Variants in TACR1 observed in about 807,000 individuals in gnomAD.
The protein encoded by TACR1 is tachykinin receptor 1.
A neutral mutation model predicts 35.8 loss-of-function variants in TACR1; 25 were observed. The ratio of observed to expected loss-of-function variants is 0.70; its 90% confidence interval spans 0.51 to 0.98. TACR1 has a LOEUF of 0.98. TACR1 is among the 50% of genes least tolerant of loss of function. The probability of loss-of-function intolerance (pLI) is 0.00; values close to 1 mark genes in which losing one functional copy is unlikely to be tolerated. For missense variants in TACR1, 478 were observed against 522.9 expected (o/e 0.91, Z 0.84); for synonymous variants, 195 against 206.7 (o/e 0.94, Z 0.48).
At chr2:75,136,563 C>A (rs1373620552) in intron 1 of TACR1, among the ~76,000 whole-genome samples, 3 of 152,118 alleles carry the variant, frequency 2.0e-5, no homozygotes, top group Admixed American at 1.3e-4. Flanking sequence ...AACTGGGCTG[C>A]CTTCCCCCTC....
chr2:75,195,234 AT>A (rs1218049754), intron 1 of TACR1, among the ~76,000 whole-genome samples: 1 of 152,216 alleles, frequency 6.6e-6, no homozygotes, highest in Non-Finnish European at 1.5e-5. Flanking sequence ...ACCTGATCTT[AT>A]TTAGCTACAT....
intron 1 of TACR1, among the ~76,000 whole-genome samples, chr2:75,157,711 C>T (rs991994768): frequency 1.3e-5 from 2 of 152,210 alleles, no homozygotes; most frequent in East Asian, 1.9e-4. Context: ...AAACCTGATA[C>T]ATGTATTAAT....
At chr2:75,170,320 A>T (rs1675246125) in intron 1 of TACR1, among the ~76,000 whole-genome samples, 2 of 152,224 alleles carry the variant, frequency 1.3e-5, no homozygotes, top group Non-Finnish European at 2.9e-5. Flanking sequence ...GTAAGACATG[A>T]CTTTGCTACT....
intron 2 of TACR1, among the ~76,000 whole-genome samples, chr2:75,076,912 G>A (rs974501918): frequency 6.6e-6 from 1 of 152,092 alleles, no homozygotes; most frequent in Non-Finnish European, 1.5e-5. Context: ...AATTTACCAG[G>A]TGCCTACTAG....
chr2:75,143,565 C>T (rs1013923862), intron 1 of TACR1, among the ~76,000 whole-genome samples: 1 of 152,150 alleles, frequency 6.6e-6, no homozygotes, highest in African/African-American at 2.4e-5. Flanking sequence ...CATGGTATTC[C>T]ATAAAGGAGG....
At chr2:75,141,550 C>A (rs965872382) in intron 1 of TACR1, among the ~76,000 whole-genome samples, 24 of 151,506 alleles carry the variant, frequency 1.6e-4, no homozygotes, top group African/African-American at 5.1e-4. Flanking sequence ...AAACTCAAAG[C>A]TTTGTTTGGA....
At chr2:75,123,468 C>T (rs1035145534) in intron 1 of TACR1, among the ~76,000 whole-genome samples, 1 of 152,148 alleles carries the variant, frequency 6.6e-6, no homozygotes, top group East Asian at 1.9e-4. Context: ...GGCACTGTAA[C>T]TCCAAATGGG....
intron 1 of TACR1, among the ~76,000 whole-genome samples, chr2:75,143,880 T>G (rs1674456126): frequency 6.6e-6 from 1 of 152,126 alleles, no homozygotes; most frequent in African/African-American, 2.4e-5. Context: ...ATTCTGTGCA[T>G]ATGAAGGAAA....
intron 2 of TACR1, chr2:75,118,965 C>G (rs143790080): frequency 4.7e-4 from 72 of 152,298 alleles, no homozygotes; most frequent in African/African-American, 1.6e-3. Flanking sequence ...TTCGATATTT[C>G]CTAGGCTGAG....
chr2:75,094,859 A>ATATATATATATTTTTTTTTT, intron 2 of TACR1, among the ~76,000 whole-genome samples: 1 of 113,108 alleles, frequency 8.8e-6, no homozygotes, highest in African/African-American at 4.8e-5. Flanking sequence ...ATATATATAT[A>ATATATATATATTTTTTTTTT]TTTTTTTTTT....
intron 1 of TACR1, among the ~76,000 whole-genome samples, chr2:75,150,161 T>C (rs1388154549): frequency 6.6e-6 from 1 of 152,200 alleles, no homozygotes; most frequent in African/African-American, 2.4e-5. Context: ...TTGTTAAGCA[T>C]TATGAAACAC....
intron 1 of TACR1, among the ~76,000 whole-genome samples, chr2:75,182,957 A>G (rs1161287744): frequency 6.6e-6 from 1 of 152,220 alleles, no homozygotes; most frequent in Non-Finnish European, 1.5e-5. Context: ...TCATTGGATT[A>G]ATGTCTTATT....
At chr2:75,167,349 C>T (rs931356126) in intron 1 of TACR1, among the ~76,000 whole-genome samples, 1 of 152,112 alleles carries the variant, frequency 6.6e-6, no homozygotes, top group East Asian at 1.9e-4. Context: ...CAGAGAGTAG[C>T]ATGGTGTATA....
intron 2 of TACR1, among the ~76,000 whole-genome samples, chr2:75,094,859 A>ATATATATATATATATATATATATAT: frequency 1.2e-4 from 14 of 113,100 alleles, no homozygotes; most frequent in African/African-American, 6.2e-4. Flanking sequence ...ATATATATAT[A>ATATATATATATATATATATATATAT]TTTTTTTTTT....
At chr2:75,121,984 C>G (rs1420920294) in intron 1 of TACR1, among the ~76,000 whole-genome samples, 4 of 152,148 alleles carry the variant, frequency 2.6e-5, no homozygotes, top group African/African-American at 9.7e-5. Flanking sequence ...GAATTAGGAC[C>G]AGGGTTACAA....
chr2:75,148,344 A>G (rs1042134767), intron 1 of TACR1, among the ~76,000 whole-genome samples: 2 of 152,186 alleles, frequency 1.3e-5, no homozygotes, highest in African/African-American at 4.8e-5. Context: ...CAACAATGTA[A>G]AAGCATTCCT....
intron 1 of TACR1, among the ~76,000 whole-genome samples, chr2:75,121,346 T>C (rs979265989): frequency 3.3e-5 from 5 of 152,356 alleles, no homozygotes; most frequent in African/African-American, 4.8e-5. Context: ...TAGGAGTCAG[T>C]GTATGGCTAA....
Position 75,117,335 on chromosome 2 carries a change from C to T in TACR1, c.584+3239G>A. Among the ~76,000 whole-genome samples the T allele has an allele frequency of 1.3e-5, 2 of 152,210 alleles. 1 individual carries two copies. Among genetic ancestry groups the T allele is most frequent in the South Asian group, 4.1e-4 (2 of 4,834 alleles). On this transcript the variant is annotated intron_variant, in intron 2 of 4. Transcript: ENST00000305249. ...GAAGGTCCACCATACAGCCAGAAGG[C>T]AGGTGCAGCAACCTGAGATTTTTCA...
intron 1 of TACR1, among the ~76,000 whole-genome samples, chr2:75,141,932 C>G (rs571670185): frequency 6.6e-6 from 1 of 152,188 alleles, no homozygotes; most frequent in Non-Finnish European, 1.5e-5. Flanking sequence ...CTCAACTGTT[C>G]TACAGTTTTC....
Sources: allele counts gnomAD v4.1 joint callset (sites outside exome capture counted in the v4.1 genomes callset), GRCh38; gene constraint gnomAD v4.1.1; transcripts MANE v1.5; gene names NCBI Gene and HGNC (gene_info 2026-07-23, HGNC 2026-07-21).